KCNIP4: variants seen among roughly 807,000 people sequenced by gnomAD.
KCNIP4 encodes the protein Kv channel-interacting protein 4.
Under a neutral mutation model 34.0 loss-of-function variants are expected in KCNIP4, and 12 were observed. The observed-to-expected ratio is 0.35, with a 90% confidence interval of 0.23 to 0.57. The LOEUF (loss-of-function observed/expected upper bound fraction) is 0.57, where lower values mean the gene tolerates loss of function less well. KCNIP4 is among the 20% of genes least tolerant of loss of function. The probability of loss-of-function intolerance (pLI) is 0.83; values close to 1 mark genes in which losing one functional copy is unlikely to be tolerated. For synonymous variants in KCNIP4, 124 were observed against 102.2 expected, an observed-to-expected ratio of 1.21 and a Z score of -1.29; for missense variants, 238 against 311.7, an observed-to-expected ratio of 0.76 and a Z score of 1.78.
rs972452382 is a variant in KCNIP4 at position 21,743,635 on chromosome 4, C to CT, written c.61+204935dup. 2.9e-3 allele frequency among the ~76,000 whole-genome samples: 439 copies of CT among 150,280 alleles called. 2 individuals carry two copies. The highest frequency in any genetic ancestry group is 9.9e-3 in the African/African-American group (405 of 40,898). ...ATAAACACATTCCTTGACACAATTC[C>CT]TTTTTTTTGTAGGGGGAGGGGGGAG... On this transcript the variant is annotated intron_variant, in intron 1 of 8. Transcript: ENST00000382152.
intron 1 of KCNIP4, among the ~76,000 whole-genome samples, chr4:21,416,870 GA>G: frequency 6.6e-6 from 1 of 152,286 alleles, no homozygotes; most frequent in East Asian, 1.9e-4. Flanking sequence ...ACAGAAGACA[GA>G]ATCACATGCT....
intron 1 of KCNIP4, among the ~76,000 whole-genome samples, chr4:21,768,511 T>A (rs1472645537): frequency 6.6e-6 from 1 of 152,124 alleles, no homozygotes; most frequent in Non-Finnish European, 1.5e-5. Context: ...TCGCTCCTCA[T>A]TTTCAGTCTT....
intron 1 of KCNIP4, among the ~76,000 whole-genome samples, chr4:21,113,367 C>A (rs1271831457): frequency 6.7e-6 from 1 of 149,930 alleles, no homozygotes; most frequent in African/African-American, 2.5e-5. Flanking sequence ...AATGATTCCC[C>A]TCCTGTCACT....
chr4:21,353,153 C>G (rs1718191297), intron 1 of KCNIP4, among the ~76,000 whole-genome samples: 1 of 152,088 alleles, frequency 6.6e-6, no homozygotes, highest in Admixed American at 6.6e-5. Context: ...TCACCAACAT[C>G]AAGACCAAAG....
intron 3 of KCNIP4, among the ~76,000 whole-genome samples, chr4:20,849,653 C>A (rs940057005): frequency 6.6e-6 from 1 of 152,102 alleles, no homozygotes; most frequent in African/African-American, 2.4e-5. Flanking sequence ...AGGATCAAAG[C>A]AATTTAATTT....
chr4:20,993,095 G>A (rs1315556836), intron 1 of KCNIP4, among the ~76,000 whole-genome samples: 1 of 150,960 alleles, frequency 6.6e-6, no homozygotes, highest in Non-Finnish European at 1.5e-5. Flanking sequence ...CCAGAATGCA[G>A]GGCATGGGTC....
intron 1 of KCNIP4, among the ~76,000 whole-genome samples, chr4:21,616,056 T>A (rs1017182643): frequency 1.3e-5 from 2 of 152,122 alleles, no homozygotes; most frequent in Non-Finnish European, 2.9e-5. Flanking sequence ...AGCTCCCTAT[T>A]TCTTTGAGCA....
chr4:21,625,038 A>C (rs1745231524), intron 1 of KCNIP4, among the ~76,000 whole-genome samples: 1 of 152,102 alleles, frequency 6.6e-6, no homozygotes, highest in Non-Finnish European at 1.5e-5. Context: ...GAGGTTCCAA[A>C]TTATGAAGCA....
chr4:21,067,370 G>A (rs562927914), intron 1 of KCNIP4, among the ~76,000 whole-genome samples: 1 of 152,024 alleles, frequency 6.6e-6, no homozygotes, highest in South Asian at 2.1e-4. Flanking sequence ...GCCTGAGGAA[G>A]GGAGAGGAAA....
At chr4:21,874,678 T>A (rs1201012274) in intron 1 of KCNIP4, among the ~76,000 whole-genome samples, 1 of 152,174 alleles carries the variant, frequency 6.6e-6, no homozygotes, top group Non-Finnish European at 1.5e-5. Context: ...TTTGCTTCTC[T>A]TTTTTACCCA....
intron 1 of KCNIP4, among the ~76,000 whole-genome samples, chr4:21,628,905 C>A (rs139034881): frequency 1.6e-4 from 25 of 152,226 alleles, no homozygotes; most frequent in African/African-American, 5.5e-4. Context: ...TTTAAAATGG[C>A]ACATTAGCTT....
chr4:21,542,698 A>G (rs894168960), intron 1 of KCNIP4, among the ~76,000 whole-genome samples: 4 of 150,430 alleles, frequency 2.7e-5, no homozygotes, highest in Non-Finnish European at 5.9e-5. Context: ...AAATATATAT[A>G]AAAATATATA....
At chr4:21,796,926 T>C (rs1256308629) in intron 1 of KCNIP4, among the ~76,000 whole-genome samples, 1 of 152,228 alleles carries the variant, frequency 6.6e-6, no homozygotes, top group East Asian at 1.9e-4. Flanking sequence ...ATGCCTAGCA[T>C]GCTCCCTTTA....
At chr4:21,516,828 GA>G (rs1422811868) in intron 1 of KCNIP4, among the ~76,000 whole-genome samples, 1 of 152,112 alleles carries the variant, frequency 6.6e-6, no homozygotes, top group Non-Finnish European at 1.5e-5. Flanking sequence ...CTAGGAAAAG[GA>G]AGTTTAGGAA....
intron 1 of KCNIP4, among the ~76,000 whole-genome samples, chr4:21,428,823 T>A (rs1726156479): frequency 6.6e-6 from 1 of 152,192 alleles, no homozygotes; most frequent in Non-Finnish European, 1.5e-5. Flanking sequence ...TGAAATAGAC[T>A]TTATTTTTTA....
intron 1 of KCNIP4, among the ~76,000 whole-genome samples, chr4:21,562,652 CTTT>C (rs1560518435): frequency 1.3e-5 from 2 of 151,892 alleles, no homozygotes; most frequent in Admixed American, 1.3e-4. Context: ...AAAACAAAAA[CTTT>C]TTTTAAAAAC....
At chr4:20,730,213 C>T (rs1405306008) in intron 8 of KCNIP4, 84 bp from the exon 9 acceptor site, 1 of 1,462,796 alleles carries the variant, frequency 6.8e-7, no homozygotes, top group African/African-American at 1.4e-5. Flanking sequence ...ATTGCCTCCT[C>T]CCATCAACCA....
chr4:21,892,522 T>TAA (rs1164919066), intron 1 of KCNIP4, among the ~76,000 whole-genome samples: 1 of 92,230 alleles, frequency 1.1e-5, no homozygotes. Flanking sequence ...ATTATGACTT[T>TAA]AAAAAAAAAA....
At chr4:20,801,410 G>T (rs1288872851) in intron 3 of KCNIP4, among the ~76,000 whole-genome samples, 1 of 152,048 alleles carries the variant, frequency 6.6e-6, no homozygotes, top group Non-Finnish European at 1.5e-5. Flanking sequence ...GTACTATAAT[G>T]GTGGTATGTA....
Sources: gnomAD v4.1 joint callset for allele counts (sites outside exome capture counted in the v4.1 genomes callset) on GRCh38, gnomAD v4.1.1 for gene constraint, MANE v1.5 for transcripts, NCBI Gene and HGNC (gene_info 2026-07-23, HGNC 2026-07-21) for gene names.